Variants in PDE1C observed in about 807,000 individuals in gnomAD.
PDE1C encodes dual specificity calcium/calmodulin-dependent 3',5'-cyclic nucleotide phosphodiesterase 1C.
Under a neutral mutation model 93.1 loss-of-function variants are expected in PDE1C, and 62 were observed. The ratio of observed to expected loss-of-function variants is 0.67; its 90% CI spans 0.54 to 0.82. PDE1C has a LOEUF of 0.82. Ranked by LOEUF, PDE1C falls within the 40% of genes least tolerant of loss-of-function variation. PDE1C has a pLI of 0.00. For synonymous variants in PDE1C, 325 were observed against 310.1 expected, an observed-to-expected ratio of 1.05 and a Z score of -0.50; for missense variants, 742 against 884.6, an observed-to-expected ratio of 0.84 and a Z score of 2.04.
At chr7:32,151,607 T>A (rs970007716) in intron 3 of PDE1C, among the ~76,000 whole-genome samples, 1 of 152,218 alleles carries the variant, frequency 6.6e-6, no homozygotes, top group East Asian at 1.9e-4. Context: ...GCTTTTTAAG[T>A]AGTTATACTA....
chr7:32,380,749 G>T (rs1784518662), intron 1 of PDE1C, among the ~76,000 whole-genome samples: 1 of 152,188 alleles, frequency 6.6e-6, no homozygotes, highest in East Asian at 1.9e-4. Flanking sequence ...CGATGTTCCT[G>T]GTTTTTCTCC....
the PDE1C span, among the ~76,000 whole-genome samples, chr7:31,743,034 C>G: frequency 5.3e-5 from 8 of 152,082 alleles, no homozygotes; most frequent in African/African-American, 1.9e-4. Context: ...AATGCCACCC[C>G]CTAGTCTGGC....
intron 3 of PDE1C, among the ~76,000 whole-genome samples, chr7:32,085,179 G>T (rs549296243): frequency 4.0e-5 from 6 of 151,468 alleles, no homozygotes; most frequent in Admixed American, 6.6e-5. Context: ...ATATCACCAC[G>T]GATCCCACAG....
intron 1 of PDE1C, among the ~76,000 whole-genome samples, chr7:32,386,602 C>CTTTTTTTT: frequency 7.8e-6 from 1 of 128,734 alleles, no homozygotes; most frequent in Non-Finnish European, 1.6e-5. Context: ...TTTCCTACAC[C>CTTTTTTTT]CTACATTATT....
At chr7:31,783,216 T>C (rs1783572954) in intron 16 of PDE1C, among the ~76,000 whole-genome samples, 2 of 152,320 alleles carry the variant, frequency 1.3e-5, no homozygotes, top group Middle Eastern at 3.4e-3. Flanking sequence ...ATTAAACATA[T>C]GGAATCCAGC....
chr7:31,668,665 C>T, the PDE1C span, among the ~76,000 whole-genome samples: 10,647 of 152,042 alleles, frequency 0.07, 513 homozygotes, highest in Non-Finnish European at 0.11. Context: ...CGGTTGTCTA[C>T]GGCTGGAGAA....
the PDE1C span, among the ~76,000 whole-genome samples, chr7:31,675,570 G>T: frequency 7.9e-5 from 12 of 151,924 alleles, no homozygotes; most frequent in Non-Finnish European, 1.8e-4. Context: ...TGTTTCTCTG[G>T]CTGTACCTTG....
At chr7:32,192,522 G>A (rs1804304877) in intron 2 of PDE1C, among the ~76,000 whole-genome samples, 1 of 151,952 alleles carries the variant, frequency 6.6e-6, no homozygotes, top group Non-Finnish European at 1.5e-5. Flanking sequence ...TCATTTCTGG[G>A]TTTTCTATTC....
At chr7:31,829,808 T>C (rs1191717954) in intron 11 of PDE1C, among the ~76,000 whole-genome samples, 3 of 152,182 alleles carry the variant, frequency 2.0e-5, no homozygotes, top group African/African-American at 7.2e-5. Context: ...TCCTGAGTGA[T>C]TTCTACCTAG....
intron 1 of PDE1C, among the ~76,000 whole-genome samples, chr7:32,250,095 A>G (rs1809254186): frequency 6.6e-6 from 1 of 152,182 alleles, no homozygotes; most frequent in South Asian, 2.1e-4. Flanking sequence ...AAGACAAATG[A>G]GCTGCCCTAG....
rs1289315617 is a variant in PDE1C at position 32,420,353 on chromosome 7, GTA to G, written c.310+7467_310+7468del. Reference sequence around the variant, plus strand: ...TATATATATATGTGTATATATATGTGTATATATATATGTGTATATATATGTGT... The same window carrying G: ...TATATATATATGTGTATATATATGTGTATATATATGTGTATATATATGTGT... On this transcript the variant is annotated intron_variant, in intron 1 of 1. Transcript: ENST00000672256. Among the ~76,000 whole-genome samples the G allele has an allele frequency of 3.0e-3, 44 of 14,470 alleles. 14 individuals are homozygous for G. Among genetic ancestry groups the G allele is most frequent in the Non-Finnish European group, 5.3e-3 (40 of 7,608 alleles). 9.5% of individuals were successfully genotyped at this position (14,470 alleles called of 152,430 possible). A position where few individuals can be genotyped will look rare whatever the true frequency, so the allele number is the denominator to read the frequency against.
At chr7:32,338,179 CA>C (rs1783668150) in intron 1 of PDE1C, among the ~76,000 whole-genome samples, 2 of 152,108 alleles carry the variant, frequency 1.3e-5, no homozygotes, top group African/African-American at 4.8e-5. Flanking sequence ...AGTGGAAAGA[CA>C]ACCAAAGGAA....
upstream of PDE1C, among the ~76,000 whole-genome samples, chr7:32,301,893 G>C (rs1328719671): frequency 6.6e-6 from 1 of 152,178 alleles, no homozygotes; most frequent in African/African-American, 2.4e-5. Flanking sequence ...GCGTCTGCAA[G>C]CTAAAAACAG....
At chr7:31,730,232 C>G in the PDE1C span, among the ~76,000 whole-genome samples, 1 of 152,132 alleles carries the variant, frequency 6.6e-6, no homozygotes, top group Non-Finnish European at 1.5e-5. Context: ...TTGCACAAAC[C>G]TACACAGCAC....
At chr7:31,810,478 GCTA>G (rs1562841891) in intron 15 of PDE1C, among the ~76,000 whole-genome samples, 1 of 152,106 alleles carries the variant, frequency 6.6e-6, no homozygotes, top group African/African-American at 2.4e-5. Context: ...TTATGAAGGG[GCTA>G]CTATTATTGA....
intron 2 of PDE1C, among the ~76,000 whole-genome samples, chr7:31,978,774 A>G (rs1331375183): frequency 6.6e-6 from 1 of 152,190 alleles, no homozygotes; most frequent in African/African-American, 2.4e-5. Context: ...AGGAGATCCT[A>G]TGCCTTAAAA....
rs188469773 is a variant in PDE1C at position 31,966,101 on chromosome 7, C to T, written c.129-85241G>A. Among the ~76,000 whole-genome samples, 1,412 of 152,240 alleles carry T rather than the reference C, an allele frequency of 9.3e-3. 62 individuals are homozygous for T. Among genetic ancestry groups the T allele is most frequent in the Admixed American group, 0.082 (1,249 of 15,290 alleles). On this transcript the variant is annotated intron_variant, in intron 2 of 17. Transcript: ENST00000396191. ...TCATAATGACAGGATCAAATTCACA[C>T]GTAAGAATACTAACCTTAAATGTAA...
intron 1 of PDE1C, among the ~76,000 whole-genome samples, chr7:32,264,050 C>T (rs1462265939): frequency 6.6e-6 from 1 of 151,666 alleles, no homozygotes; most frequent in Non-Finnish European, 1.5e-5. Context: ...CCACCCACCC[C>T]CTTAGATAGA....
intron 1 of PDE1C, among the ~76,000 whole-genome samples, chr7:32,267,729 C>T (rs1336400473): frequency 3.3e-5 from 5 of 152,032 alleles, no homozygotes; most frequent in Non-Finnish European, 5.9e-5. Context: ...TGAGATGAAA[C>T]CCCCTCAGAA....
Sources: gnomAD v4.1 joint callset for allele counts (sites outside exome capture counted in the v4.1 genomes callset) on GRCh38, gnomAD v4.1.1 for gene constraint, MANE v1.5 for transcripts, NCBI Gene and HGNC (gene_info 2026-07-23, HGNC 2026-07-21) for gene names.